The following GABRA2 variants were observed in gnomAD, a reference collection of about 807,000 sequenced individuals.
GABRA2 encodes gamma-aminobutyric acid receptor subunit alpha-2.
A neutral mutation model predicts 48.7 loss-of-function variants in GABRA2; 16 were observed. The observed-to-expected ratio is 0.33, with a 90% CI of 0.22 to 0.50. The LOEUF is 0.50. GABRA2 is among the 20% of genes least tolerant of loss of function. The probability of loss-of-function intolerance (pLI) is 0.98; values close to 1 mark genes in which losing one functional copy is unlikely to be tolerated. For missense variants in GABRA2, 275 were observed against 535.6 expected, an observed-to-expected ratio of 0.51 and a Z score of 4.80; for synonymous variants, 185 against 184.5, an observed-to-expected ratio of 1.00 and a Z score of -0.02.
chr4:46,342,140 AAAG>A (rs1733347736), intron 3 of GABRA2, among the ~76,000 whole-genome samples: 1 of 152,058 alleles, frequency 6.6e-6, no homozygotes, highest in African/African-American at 2.4e-5. Flanking sequence ...AGAATGCAGA[AAAG>A]AAGATGAAAC....
At chr4:46,322,480 C>T (rs1729623869) in intron 4 of GABRA2, among the ~76,000 whole-genome samples, 1 of 151,916 alleles carries the variant, frequency 6.6e-6, no homozygotes, top group Non-Finnish European at 1.5e-5. Flanking sequence ...ACATGCACCC[C>T]TCTATGCTGC....
rs961724458 is a variant in GABRA2, at chr4:46,245,043, T to G, written c.*5265A>C. On this transcript the variant is annotated 3_prime_UTR_variant, in exon 10 of 10. Coordinates refer to ENST00000381620, the MANE Select transcript of GABRA2 (RefSeq NM_000807.4). ...TTTTTGTTGTTTTTTGTTTTTTTGT[T>G]TGTTTGTTTCGTTTACCTTTCCTAT... Among the ~76,000 whole-genome samples the G allele has an allele frequency of 1.3e-5, 2 of 151,358 alleles. No homozygotes were observed. Among genetic ancestry groups the G allele is most frequent in the Admixed American group, 1.3e-4 (2 of 15,120 alleles).
At chr4:46,295,393 G>A (rs1459602933) in intron 8 of GABRA2, among the ~76,000 whole-genome samples, 1 of 152,196 alleles carries the variant, frequency 6.6e-6, no homozygotes, top group African/African-American at 2.4e-5. Context: ...TATGTGGATG[G>A]ACCCCTCTGA....
intron 3 of GABRA2, among the ~76,000 whole-genome samples, chr4:46,378,361 C>G (rs558606094): frequency 2.0e-4 from 31 of 152,080 alleles, no homozygotes; most frequent in Non-Finnish European, 3.5e-4. Context: ...GACCTTACCC[C>G]CAACCCTGTG....
chr4:46,245,251 TC>T lies in GABRA2; in HGVS notation c.*5056del. Reference sequence around the variant, plus strand: ...GAATTATACTCTGAATCATTCCAATTCAAAAAGTAAGGTATGAAACAAATCA... The same window carrying T: ...GAATTATACTCTGAATCATTCCAATTAAAAAGTAAGGTATGAAACAAATCA... On this transcript the variant is annotated 3_prime_UTR_variant, in exon 10 of 10. Coordinates refer to ENST00000381620, the MANE Select transcript of GABRA2 (RefSeq NM_000807.4). 6.6e-6 allele frequency among the ~76,000 whole-genome samples: 1 copy of T among 151,310 alleles called. No individual in the cohort carries two copies. Among genetic ancestry groups the T allele is most frequent in the East Asian group, 2.0e-4 (1 of 5,102 alleles).
intron 8 of GABRA2, among the ~76,000 whole-genome samples, chr4:46,275,160 G>A (rs1720239492): frequency 6.6e-6 from 1 of 151,872 alleles, no homozygotes; most frequent in Non-Finnish European, 1.5e-5. Context: ...CCTATTTCTG[G>A]TCTCATTAAA....
At chr4:46,251,062 G>A (rs745860490) in intron 9 of GABRA2, among the ~76,000 whole-genome samples, 1 of 151,456 alleles carries the variant, frequency 6.6e-6, no homozygotes, top group Non-Finnish European at 1.5e-5. Context: ...ATATAGCAAT[G>A]CTTTACTCAG....
At chr4:46,351,927 T>C (rs1191387916) in intron 3 of GABRA2, among the ~76,000 whole-genome samples, 1 of 151,970 alleles carries the variant, frequency 6.6e-6, no homozygotes, top group Non-Finnish European at 1.5e-5. Context: ...AAGTATTCGT[T>C]ATATAAACTT....
Position 46,249,120 on chromosome 4 carries a change from A to G in GABRA2, c.*1188T>C, listed in dbSNP as rs1307219679. The G allele has an allele frequency of 6.6e-6, 1 of 150,602 alleles. No individual in the cohort carries two copies. Among genetic ancestry groups the G allele is most frequent in the Non-Finnish European group, 1.5e-5 (1 of 67,470 alleles). 9.3% of individuals were successfully genotyped at this position (150,602 alleles called of 1,614,324 possible). On this transcript the variant is annotated 3_prime_UTR_variant, in exon 10 of 10. Coordinates refer to ENST00000381620, the MANE Select transcript of GABRA2 (RefSeq NM_000807.4). The stretch of plus-strand genomic sequence containing the variant: ...TGGTGATGTTTTAAAGTTGCAGTGT[A>G]AAAATGTTCAACCCTTACCAAAACC...
chr4:46,256,398 T>C, intron 9 of GABRA2: 1 of 534,016 alleles, frequency 1.9e-6, no homozygotes, highest in East Asian at 3.1e-5. Flanking sequence ...CAATATGAAA[T>C]CCATTATTGC....
intron 3 of GABRA2, among the ~76,000 whole-genome samples, chr4:46,357,455 T>C (rs1262322683): frequency 6.8e-6 from 1 of 147,526 alleles, no homozygotes; most frequent in Non-Finnish European, 1.5e-5. Flanking sequence ...AAGACCTCAA[T>C]TTGAATTTGA....
At chr4:46,355,081 C>T (rs1037857609) in intron 3 of GABRA2, among the ~76,000 whole-genome samples, 2 of 152,180 alleles carry the variant, frequency 1.3e-5, no homozygotes, top group Admixed American at 6.6e-5. Flanking sequence ...TACTCCCTTC[C>T]GAGGCACCCT....
intron 4 of GABRA2, among the ~76,000 whole-genome samples, chr4:46,313,295 CTG>C (rs1727993386): frequency 6.6e-6 from 1 of 151,700 alleles, no homozygotes; most frequent in East Asian, 1.9e-4. Flanking sequence ...GCCAAAGAAA[CTG>C]TAAATTATCA....
intron 3 of GABRA2, chr4:46,368,790 G>A (rs894887059): frequency 2.4e-6 from 1 of 417,944 alleles, no homozygotes; most frequent in African/African-American, 2.0e-5. Flanking sequence ...AAAATAATTG[G>A]AATATCTGGC....
chr4:46,287,726 G>A (rs550328329), intron 8 of GABRA2, among the ~76,000 whole-genome samples: 189 of 151,194 alleles, frequency 1.3e-3, no homozygotes, highest in African/African-American at 4.1e-3. Context: ...ACATGTATAC[G>A]TATGTAACTA....
intron 3 of GABRA2, among the ~76,000 whole-genome samples, chr4:46,363,117 A>G (rs1410339856): frequency 3.3e-5 from 5 of 152,184 alleles, no homozygotes; most frequent in Non-Finnish European, 7.3e-5. Context: ...CCTGCAAGAC[A>G]TACACCAAAT....
At chr4:46,351,598 C>A (rs2109910556) in intron 3 of GABRA2, among the ~76,000 whole-genome samples, 2 of 151,824 alleles carry the variant, frequency 1.3e-5, no homozygotes, top group South Asian at 4.2e-4. Flanking sequence ...TTTCTACAGA[C>A]AAAATTTTTA....
chr4:46,359,229 A>C (rs1712732696), intron 3 of GABRA2, among the ~76,000 whole-genome samples: 1 of 152,140 alleles, frequency 6.6e-6, no homozygotes, highest in Non-Finnish European at 1.5e-5. Flanking sequence ...TCTTAAACTA[A>C]ATCATTATGG....
rs377366551 is a variant in GABRA2 at position 46,248,459 on chromosome 4, A to T, written c.*1849T>A. The T allele has an allele frequency of 1.3e-5, 2 of 151,420 alleles. No homozygotes were observed. The highest frequency in any genetic ancestry group is 2.1e-4 in the South Asian group (1 of 4,826). 9.4% of individuals were successfully genotyped at this position (151,420 alleles called of 1,614,324 possible). A position where few individuals can be genotyped will look rare whatever the true frequency, so the allele number is the denominator to read the frequency against. On this transcript the variant is annotated 3_prime_UTR_variant, in exon 10 of 10. Transcript: ENST00000381620. ...AAGAAATACATTTATTGGCTCATGT[A>T]ACAATTTTATTTTATTAAGGATTAT...
Sources: allele counts gnomAD v4.1 joint callset (sites outside exome capture counted in the v4.1 genomes callset), GRCh38; gene constraint gnomAD v4.1.1; transcripts MANE v1.5; gene names NCBI Gene and HGNC (gene_info 2026-07-23, HGNC 2026-07-21).